The following DNAH11 variants were observed in gnomAD, a reference collection of about 807,000 sequenced individuals.
DNAH11 encodes dynein axonemal heavy chain 11.
Under a neutral mutation model 526.0 loss-of-function variants are expected in DNAH11, and 442 were observed. The observed-to-expected ratio is 0.84, with a 90% CI of 0.78 to 0.91. DNAH11 has a LOEUF of 0.91. DNAH11 is among the 40% of genes least tolerant of loss of function. The pLI is 0.00. For synonymous variants in DNAH11, 2,461 were observed against 1,935.9 expected (o/e 1.27, Z -7.12); for missense variants, 6,989 against 5,448.7 (o/e 1.28, Z -8.90).
chr7:21,829,569 G>C (rs1790458124), intron 65 of DNAH11, among the ~76,000 whole-genome samples: 1 of 152,120 alleles, frequency 6.6e-6, no homozygotes, highest in Admixed American at 6.5e-5. Flanking sequence ...TCCATGTTTG[G>C]TTTTAGATGG....
chr7:21,871,763 A>T (rs558569924), intron 73 of DNAH11, among the ~76,000 whole-genome samples: 4 of 152,014 alleles, frequency 2.6e-5, no homozygotes, highest in Non-Finnish European at 4.4e-5. Flanking sequence ...TCTTCATGTG[A>T]TTTGTCTTCT....
At chr7:21,764,606 A>G (rs1787089430) in intron 54 of DNAH11, among the ~76,000 whole-genome samples, 2 of 152,140 alleles carry the variant, frequency 1.3e-5, no homozygotes, top group Admixed American at 1.3e-4. Context: ...TTAGCACTTT[A>G]CACAGGGTGT....
At chr7:21,712,055 T>A (rs1485935288) in intron 42 of DNAH11, among the ~76,000 whole-genome samples, 195 bp downstream of exon 42, 1 of 152,204 alleles carries the variant, frequency 6.6e-6, no homozygotes, top group Non-Finnish European at 1.5e-5. Flanking sequence ...TCCTCCCAGC[T>A]CTTGGCAACC....
intron 63 of DNAH11, among the ~76,000 whole-genome samples, chr7:21,809,794 G>A (rs923698343): frequency 2.0e-5 from 3 of 151,984 alleles, no homozygotes; most frequent in African/African-American, 7.3e-5. Context: ...TCAAACTCCT[G>A]ACCTCAGGTG....
chr7:21,565,868 TAAC>T (rs776379164), intron 6 of DNAH11, among the ~76,000 whole-genome samples: 2 of 152,218 alleles, frequency 1.3e-5, no homozygotes, highest in African/African-American at 4.8e-5. Context: ...TGGTAGCAGA[TAAC>T]AACAGGTCGA....
At chr7:21,735,299 C>T (rs1431582219) in intron 45 of DNAH11, among the ~76,000 whole-genome samples, 1 of 152,192 alleles carries the variant, frequency 6.6e-6, no homozygotes, top group Non-Finnish European at 1.5e-5. Context: ...ATATTCCCTT[C>T]TGTGCTTACC....
chr7:21,699,146 G>A (rs1583605244), intron 36 of DNAH11, among the ~76,000 whole-genome samples: 1 of 151,998 alleles, frequency 6.6e-6, no homozygotes, highest in Non-Finnish European at 1.5e-5. Context: ...GTAAGATAAG[G>A]CTAATTTTCT....
chr7:21,682,727 A>G (rs1783196357), intron 31 of DNAH11, among the ~76,000 whole-genome samples: 1 of 152,094 alleles, frequency 6.6e-6, no homozygotes, highest in Non-Finnish European at 1.5e-5. Context: ...GCCTGTACGT[A>G]TTGTGAAGTG....
intron 30 of DNAH11, among the ~76,000 whole-genome samples, chr7:21,662,203 T>A (rs946586296): frequency 6.6e-6 from 1 of 152,314 alleles, no homozygotes; most frequent in African/African-American, 2.4e-5. Flanking sequence ...ATGACAATAA[T>A]GATGATGGTG....
chr7:21,672,652 C>T (rs895759470), intron 30 of DNAH11, among the ~76,000 whole-genome samples: 2 of 152,176 alleles, frequency 1.3e-5, no homozygotes, highest in Non-Finnish European at 2.9e-5. Flanking sequence ...CTTGGGTGTC[C>T]CCATATTGGG....
chr7:21,840,939 T>C (rs2128015526), intron 65 of DNAH11, among the ~76,000 whole-genome samples: 1 of 152,310 alleles, frequency 6.6e-6, no homozygotes, highest in Middle Eastern at 3.4e-3. Flanking sequence ...CCTAGCACTT[T>C]GGAAGGCCAA....
chr7:21,647,409 G>A (rs185698232), intron 28 of DNAH11, among the ~76,000 whole-genome samples: 1 of 148,724 alleles, frequency 6.7e-6, no homozygotes, highest in Admixed American at 6.7e-5. Context: ...AGACAGTGGA[G>A]TAGCAATTTC....
intron 8 of DNAH11, among the ~76,000 whole-genome samples, chr7:21,575,590 T>C (rs1394840316): frequency 6.6e-6 from 1 of 152,230 alleles, no homozygotes; most frequent in African/African-American, 2.4e-5. Context: ...CAAGATTAAA[T>C]GAGTTATTTA....
intron 30 of DNAH11, among the ~76,000 whole-genome samples, chr7:21,677,416 C>T (rs529919914): frequency 4.6e-5 from 7 of 152,104 alleles, no homozygotes; most frequent in African/African-American, 1.7e-4. Flanking sequence ...GAATCTCACT[C>T]TGTCACCCAG....
At chr7:21,579,184 T>C (rs1784217903) in intron 8 of DNAH11, among the ~76,000 whole-genome samples, 1 of 152,200 alleles carries the variant, frequency 6.6e-6, no homozygotes. Context: ...CTTCAATAGC[T>C]TCTCATGATG....
chr7:21,773,269 T>A (rs903729518), intron 55 of DNAH11, among the ~76,000 whole-genome samples: 1 of 151,950 alleles, frequency 6.6e-6, no homozygotes, highest in Non-Finnish European at 1.5e-5. Flanking sequence ...CCAGAAGCAG[T>A]GACATTTATA....
intron 68 of DNAH11, among the ~76,000 whole-genome samples, chr7:21,859,228 C>A (rs1207017705): frequency 1.3e-5 from 2 of 152,250 alleles, no homozygotes; most frequent in South Asian, 4.1e-4. Context: ...ATTCTCCTGT[C>A]CCAGCCCCTC....
At chr7:21,619,257 C>T in intron 24 of DNAH11, 35 bp downstream of exon 24, 1 of 1,595,324 alleles carries the variant, frequency 6.3e-7, no homozygotes, top group Non-Finnish European at 8.5e-7. Context: ...TTCTACTTGG[C>T]TAATTTTGGG....
rs1483822697 is a variant in DNAH11, at chr7:21,880,777, G to A, written c.12271G>A (p.Val4091Ile). Residue 4091 changes from valine (V) to isoleucine (I), a missense_variant, in exon 75 of 82, where the codon GTT becomes ATT. Val to Ile is a conservative substitution (Grantham distance 29). Coordinates refer to ENST00000409508, the MANE Select transcript of DNAH11 (RefSeq NM_001277115.2). ...TTCTCTCTGCTACTTCCACGCCTGT[G>A]TTGCTGGGAGACTGAGGTTTGGCCC... ...LFSLCYFHAC[V>I]AGRLRFGPQG... The A allele has an allele frequency of 6.2e-7, 1 of 1,613,986 alleles. No homozygotes were observed. The highest frequency in any genetic ancestry group is 8.5e-7 in the Non-Finnish European group (1 of 1,179,900).
Sources: allele counts gnomAD v4.1 joint callset (sites outside exome capture counted in the v4.1 genomes callset), GRCh38; gene constraint gnomAD v4.1.1; transcripts MANE v1.5; gene names NCBI Gene and HGNC (gene_info 2026-07-23, HGNC 2026-07-21).